BLTP1: variants seen among roughly 807,000 people sequenced by gnomAD.
BLTP1 encodes the protein fragile site-associated protein.
the BLTP1 span, chr4:122,328,014 G>T: frequency 1.0e-6 from 1 of 1,003,938 alleles, no homozygotes; most frequent in African/African-American, 1.7e-5. Flanking sequence ...ATTCAACTCT[G>T]AGATAATTTT....
the BLTP1 span, chr4:122,208,416 A>G: frequency 2.5e-5 from 25 of 985,006 alleles, no homozygotes; most frequent in African/African-American, 2.4e-4. Flanking sequence ...TAGAAGTCCT[A>G]TTAGGAAAAA....
At chr4:122,175,782 G>A in the BLTP1 span, 1 of 1,086,446 alleles carries the variant, frequency 9.2e-7, no homozygotes, top group Non-Finnish European at 1.4e-6. Context: ...GCTTCCTTTT[G>A]GAATAACTAA....
chr4:122,173,174 A>AT, the BLTP1 span: 1 of 1,599,270 alleles, frequency 6.3e-7, no homozygotes, highest in Non-Finnish European at 8.5e-7. Context: ...TTAACACTGA[A>AT]TTTTTTTCTT....
chr4:122,192,103 T>C, the BLTP1 span: 23 of 880,570 alleles, frequency 2.6e-5, no homozygotes, highest in Admixed American at 6.8e-4. Flanking sequence ...CCCTTTTAGG[T>C]TCTCAATAAT....
chr4:122,210,852 C>T, the BLTP1 span: 1 of 1,602,336 alleles, frequency 6.2e-7, no homozygotes, highest in Non-Finnish European at 8.5e-7. Flanking sequence ...CCCCACCCCT[C>T]AAACATTAGT....
At chr4:122,258,253 C>T in the BLTP1 span, among the ~76,000 whole-genome samples, 1 of 151,960 alleles carries the variant, frequency 6.6e-6, no homozygotes, top group Non-Finnish European at 1.5e-5. Context: ...GATTTTAGAA[C>T]ATTGATATAT....
the BLTP1 span, chr4:122,280,032 G>A: frequency 4.5e-5 from 72 of 1,609,312 alleles, no homozygotes; most frequent in Admixed American, 6.7e-5. Context: ...CTACCTCAGG[G>A]TATTCTTTGC....
the BLTP1 span, among the ~76,000 whole-genome samples, chr4:122,222,316 T>C: frequency 6.6e-6 from 1 of 152,160 alleles, no homozygotes; most frequent in Non-Finnish European, 1.5e-5. Flanking sequence ...GTTACCCACT[T>C]GTAGTTTATC....
chr4:122,154,385 T>G, the BLTP1 span: 4 of 984,920 alleles, frequency 4.1e-6, no homozygotes, highest in East Asian at 4.5e-4. Context: ...GTGGTGGTGA[T>G]ATGTAATGTA....
the BLTP1 span, chr4:122,237,981 C>CAAAAAAA: frequency 3.9e-4 from 308 of 786,062 alleles, no homozygotes; most frequent in African/African-American, 6.1e-3. Context: ...GACTCCATCT[C>CAAAAAAA]AAAAAAAAAA....
At chr4:122,311,894 C>T in the BLTP1 span, among the ~76,000 whole-genome samples, 6 of 152,162 alleles carry the variant, frequency 3.9e-5, no homozygotes, top group Admixed American at 3.9e-4. Flanking sequence ...ACAGAAACCA[C>T]AGGTATTATG....
chr4:122,292,388 C>G, the BLTP1 span: 2 of 841,396 alleles, frequency 2.4e-6, no homozygotes, highest in African/African-American at 1.8e-5. Flanking sequence ...TCACAAAGCT[C>G]TAGACATTTA....
chr4:122,248,132 C>G, the BLTP1 span: 1 of 984,842 alleles, frequency 1.0e-6, no homozygotes, highest in Non-Finnish European at 1.2e-6. Context: ...TTATTTTTTT[C>G]ATCCCAGGTG....
chr4:122,175,716 A>T, the BLTP1 span: 1 of 608,010 alleles, frequency 1.6e-6, no homozygotes, highest in Non-Finnish European at 3.0e-6. Flanking sequence ...ATGTGTGTTT[A>T]TGTATGCCAA....
At chr4:122,193,520 GTA>G in the BLTP1 span, 1 of 329,524 alleles carries the variant, frequency 3.0e-6, no homozygotes, top group Non-Finnish European at 4.3e-6. Context: ...TTATTTTAAA[GTA>G]TTTTTAATTT....
the BLTP1 span, chr4:122,344,300 G>A: frequency 1.4e-6 from 2 of 1,414,780 alleles, no homozygotes; most frequent in Non-Finnish European, 1.9e-6. Flanking sequence ...CAGTATATTA[G>A]ATAATTTTCA....
At chr4:122,202,022 A>T in the BLTP1 span, 1 of 307,744 alleles carries the variant, frequency 3.2e-6, no homozygotes, top group African/African-American at 2.3e-5. Flanking sequence ...TGAAATAGGG[A>T]TAACAATTTC....
the BLTP1 span, among the ~76,000 whole-genome samples, chr4:122,297,155 T>G: frequency 6.6e-6 from 1 of 152,176 alleles, no homozygotes; most frequent in African/African-American, 2.4e-5. Flanking sequence ...AAAATTTTTT[T>G]AAATCTACCC....
chr4:122,273,324 T>C, the BLTP1 span: 2 of 984,400 alleles, frequency 2.0e-6, no homozygotes, highest in African/African-American at 3.5e-5. Context: ...ATTTGAGGAT[T>C]ATGTACTTGG....
Sources: allele counts gnomAD v4.1 joint callset (sites outside exome capture counted in the v4.1 genomes callset), GRCh38; gene constraint gnomAD v4.1.1; transcripts MANE v1.5; gene names NCBI Gene and HGNC (gene_info 2026-07-23, HGNC 2026-07-21).